SLC44A5: variants seen among roughly 807,000 people sequenced by gnomAD.
SLC44A5 encodes the protein choline transporter-like protein 5.
In SLC44A5, 57 loss-of-function variants were observed where a neutral mutation model predicts 101.8. That is an observed-to-expected ratio of 0.56 (90% CI 0.45 to 0.70). The LOEUF (loss-of-function observed/expected upper bound fraction) is 0.70, where lower values mean the gene tolerates loss of function less well. Ranked by LOEUF, SLC44A5 falls within the 30% of genes least tolerant of loss-of-function variation. The pLI is 0.00. For synonymous variants in SLC44A5, 281 were observed against 290.9 expected (o/e 0.97, Z 0.35); for missense variants, 737 against 853.1 (o/e 0.86, Z 1.70).
chr1:75,661,387 T>TAAAAAAAAAAAAAAAAAAAAA, the SLC44A5 span, among the ~76,000 whole-genome samples: 3 of 53,600 alleles, frequency 5.6e-5, 1 homozygote, highest in African/African-American at 8.5e-5. Flanking sequence ...CTACTGCAAG[T>TAAAAAAAAAAAAAAAAAAAAA]AAAAAAAAAA....
intron 23 of SLC44A5, among the ~76,000 whole-genome samples, chr1:75,211,005 A>G (rs1646842168): frequency 6.6e-6 from 1 of 152,176 alleles, no homozygotes; most frequent in African/African-American, 2.4e-5. Flanking sequence ...ATAACCTCCC[A>G]TAGTTATCTT....
intron 3 of SLC44A5, among the ~76,000 whole-genome samples, chr1:75,363,933 C>T (rs1296071727): frequency 6.6e-6 from 1 of 152,124 alleles, no homozygotes; most frequent in African/African-American, 2.4e-5. Context: ...ACAGCTTTAC[C>T]AGATAAAGCA....
chr1:75,599,795 G>A (rs148309623), intron 1 of SLC44A5, among the ~76,000 whole-genome samples: 20 of 152,256 alleles, frequency 1.3e-4, no homozygotes, highest in African/African-American at 4.6e-4. Flanking sequence ...ATTTAGTGTG[G>A]TCGGATCATT....
chr1:75,357,749 G>C (rs1004847229), intron 3 of SLC44A5, among the ~76,000 whole-genome samples: 4 of 152,064 alleles, frequency 2.6e-5, no homozygotes, highest in Admixed American at 1.3e-4. Context: ...GGAGAGAAAT[G>C]GATAATTATG....
chr1:75,519,386 C>T (rs1348946344), intron 2 of SLC44A5, among the ~76,000 whole-genome samples: 2 of 152,046 alleles, frequency 1.3e-5, no homozygotes, highest in Non-Finnish European at 2.9e-5. Context: ...GGCAAAACCT[C>T]GTCTCTGCTA....
At position 75,396,570 on chromosome 1, in the gene SLC44A5, G is replaced by A. The variant is rs764487768; in HGVS notation, c.52+13C>T. The A allele has an allele frequency of 6.2e-7, 1 of 1,606,832 alleles. No homozygotes were observed. Among genetic ancestry groups the A allele is most frequent in the East Asian group, 2.2e-5 (1 of 44,776 alleles). ...AAAGATTCTTAGCACTTAATACTCA[G>A]ACTATGACTTACCAAAGTCCTCTTC... On this transcript the variant is annotated intron_variant, in intron 3 of 23. Coordinates refer to ENST00000370859, the MANE Select transcript of SLC44A5 (RefSeq NM_001130058.2).
intron 4 of SLC44A5, among the ~76,000 whole-genome samples, chr1:75,325,243 G>A (rs1428523332): frequency 6.6e-6 from 1 of 152,160 alleles, no homozygotes; most frequent in African/African-American, 2.4e-5. Flanking sequence ...AGAGGGCACT[G>A]AGGACACCAT....
intron 2 of SLC44A5, among the ~76,000 whole-genome samples, chr1:75,482,293 A>T (rs986354584): frequency 6.6e-6 from 1 of 151,946 alleles, no homozygotes; most frequent in African/African-American, 2.4e-5. Context: ...CGGGGGAGGG[A>T]TAGCATTAGG....
chr1:75,363,627 T>A (rs1332498399), intron 3 of SLC44A5, among the ~76,000 whole-genome samples: 1 of 152,192 alleles, frequency 6.6e-6, no homozygotes, highest in Non-Finnish European at 1.5e-5. Context: ...TTTGTATTTC[T>A]CAACAATTTA....
intron 4 of SLC44A5, among the ~76,000 whole-genome samples, chr1:75,334,976 G>A (rs1469305867): frequency 6.6e-6 from 1 of 152,130 alleles, no homozygotes; most frequent in African/African-American, 2.4e-5. Flanking sequence ...TAAGCCATGA[G>A]CTCCACTACA....
chr1:75,570,283 A>C (rs1221678623), intron 1 of SLC44A5, among the ~76,000 whole-genome samples: 1 of 152,236 alleles, frequency 6.6e-6, no homozygotes, highest in African/African-American at 2.4e-5. Context: ...AATAACAGAA[A>C]GAAGGAAGGG....
the SLC44A5 span, among the ~76,000 whole-genome samples, chr1:75,635,360 G>A: frequency 3.3e-5 from 5 of 151,886 alleles, no homozygotes; most frequent in African/African-American, 7.3e-5. Context: ...ACATGCACAC[G>A]TATGTTTATT....
the SLC44A5 span, among the ~76,000 whole-genome samples, chr1:75,695,626 T>A: frequency 1.3e-5 from 2 of 151,230 alleles, no homozygotes; most frequent in Admixed American, 6.6e-5. Flanking sequence ...TTTACTAAAT[T>A]TGTAGGGAAA....
the SLC44A5 span, among the ~76,000 whole-genome samples, chr1:75,707,499 T>C: frequency 6.6e-6 from 1 of 152,202 alleles, no homozygotes; most frequent in Non-Finnish European, 1.5e-5. Flanking sequence ...CTCCTTGACC[T>C]CTGACTCAGG....
chr1:75,697,993 G>A, the SLC44A5 span, among the ~76,000 whole-genome samples: 1 of 152,204 alleles, frequency 6.6e-6, no homozygotes, highest in Non-Finnish European at 1.5e-5. Context: ...ACATGGCTTG[G>A]AGGGTCCTAT....
intron 3 of SLC44A5, among the ~76,000 whole-genome samples, chr1:75,384,433 A>G (rs1381157111): frequency 7.2e-6 from 1 of 138,142 alleles, no homozygotes; most frequent in Non-Finnish European, 1.5e-5. Context: ...CAGACTTCAA[A>G]CCAACAAAGA....
chr1:75,275,118 G>A, intron 5 of SLC44A5, 76 bp from the exon 6 acceptor site: 1 of 1,023,542 alleles, frequency 9.8e-7, no homozygotes, highest in Non-Finnish European at 1.5e-6. Flanking sequence ...ATATTAGAAT[G>A]CACCACTGCA....
intron 2 of SLC44A5, among the ~76,000 whole-genome samples, chr1:75,477,858 T>C (rs889259568): frequency 2.0e-4 from 31 of 151,914 alleles, no homozygotes; most frequent in Admixed American, 1.2e-3. Context: ...ACTTCCCCAA[T>C]CTAGCAAGGC....
chr1:75,369,139 G>A (rs1431911637), intron 3 of SLC44A5, among the ~76,000 whole-genome samples: 1 of 151,480 alleles, frequency 6.6e-6, no homozygotes, highest in African/African-American at 2.4e-5. Context: ...TCAGCCTCCT[G>A]AGTAGCTATG....
Sources: gnomAD v4.1 joint callset for allele counts (sites outside exome capture counted in the v4.1 genomes callset) on GRCh38, gnomAD v4.1.1 for gene constraint, MANE v1.5 for transcripts, NCBI Gene and HGNC (gene_info 2026-07-23, HGNC 2026-07-21) for gene names.